Variants in EPHB1 observed in about 807,000 individuals in gnomAD.
EPHB1 encodes ephrin type-B receptor 1.
In EPHB1, 30 loss-of-function variants were observed where a neutral mutation model predicts 94.4. That is an observed-to-expected ratio of 0.32 (90% confidence interval 0.24 to 0.43). The LOEUF is 0.43. EPHB1 is among the 20% of genes least tolerant of loss of function. The pLI is 1.00. For missense variants in EPHB1, 1,055 were observed against 1,308.3 expected, an observed-to-expected ratio of 0.81 and a Z score of 2.99; for synonymous variants, 522 against 489.1, an observed-to-expected ratio of 1.07 and a Z score of -0.89.
In EPHB1 at chr3:134,826,101, A is replaced by T. The variant is rs1212963646; in HGVS notation, c.58+30412A>T. ...CTAAAAATACAAAAAAAAAAAAAAA[A>T]ATCAGCCGAGTGTGGTGAAGCATAC... On this transcript the variant is annotated intron_variant, in intron 1 of 15. Transcript: ENST00000398015. Among the ~76,000 whole-genome samples, 86 of 145,636 alleles carry T rather than the reference A, an allele frequency of 5.9e-4. 1 individual carries two copies. The highest frequency in any genetic ancestry group is 3.0e-5 in the Non-Finnish European group (2 of 66,756).
At chr3:135,236,163 C>T (rs572865178) in intron 12 of EPHB1, among the ~76,000 whole-genome samples, 11 of 152,116 alleles carry the variant, frequency 7.2e-5, no homozygotes, top group East Asian at 3.8e-4. Context: ...TTGGCAGGGT[C>T]GTTCTCCCTT....
At chr3:135,165,698 G>A (rs1941633963) in intron 7 of EPHB1, among the ~76,000 whole-genome samples, 2 of 152,150 alleles carry the variant, frequency 1.3e-5, no homozygotes. Context: ...ATGTAGATTG[G>A]AAATCATCTC....
At chr3:134,813,885 G>A (rs998771051) in intron 1 of EPHB1, among the ~76,000 whole-genome samples, 2 of 152,210 alleles carry the variant, frequency 1.3e-5, no homozygotes, top group Non-Finnish European at 2.9e-5. Context: ...GCTGGGCCCT[G>A]TGTCACTTCC....
At chr3:134,887,094 TG>T (rs2037876958) in intron 1 of EPHB1, among the ~76,000 whole-genome samples, 1 of 152,214 alleles carries the variant, frequency 6.6e-6, no homozygotes. Flanking sequence ...CATTATTCTG[TG>T]GGTTGGCCAG....
intron 5 of EPHB1, among the ~76,000 whole-genome samples, chr3:135,152,296 C>CTT (rs1941218616): frequency 6.6e-6 from 1 of 152,096 alleles, no homozygotes; most frequent in Non-Finnish European, 1.5e-5. Context: ...AGATAACTTT[C>CTT]AAATAAAGAT....
At chr3:135,180,126 T>C in intron 10 of EPHB1, 144 bp downstream of exon 10, 1 of 961,104 alleles carries the variant, frequency 1.0e-6, no homozygotes, top group Non-Finnish European at 1.5e-6. Flanking sequence ...GAGTCTGAAC[T>C]ATCTACATGT....
intron 9 of EPHB1, among the ~76,000 whole-genome samples, chr3:135,172,129 C>T (rs1941821468): frequency 6.6e-6 from 1 of 152,144 alleles, no homozygotes; most frequent in South Asian, 2.1e-4. Context: ...AAGTAGCTGT[C>T]CAGAAGAGAG....
At chr3:134,950,470 A>ATT (rs1932984113) in intron 2 of EPHB1, among the ~76,000 whole-genome samples, 2 of 152,184 alleles carry the variant, frequency 1.3e-5, no homozygotes, top group African/African-American at 4.8e-5. Flanking sequence ...GTAATTTATA[A>ATT]AGAAAAGAGG....
At chr3:135,050,732 G>A (rs1442986495) in intron 3 of EPHB1, among the ~76,000 whole-genome samples, 3 of 152,138 alleles carry the variant, frequency 2.0e-5, no homozygotes, top group African/African-American at 7.2e-5. Flanking sequence ...AGCTCTGGTT[G>A]TTTAAAAGAA....
chr3:135,145,142 C>T (rs1244474361), intron 5 of EPHB1, among the ~76,000 whole-genome samples: 5 of 152,156 alleles, frequency 3.3e-5, no homozygotes, highest in Non-Finnish European at 7.3e-5. Context: ...TTTTCATCTA[C>T]AGTGGGAGAT....
At chr3:134,898,693 T>C (rs1031450401) in intron 1 of EPHB1, among the ~76,000 whole-genome samples, 1 of 152,210 alleles carries the variant, frequency 6.6e-6, no homozygotes, top group South Asian at 2.1e-4. Context: ...AGGAAACAAC[T>C]GCTGCTCAGG....
intron 1 of EPHB1, among the ~76,000 whole-genome samples, chr3:134,809,370 AT>A (rs11440776): frequency 0.26 from 38,886 of 149,718 alleles, 7,332 homozygotes; most frequent in African/African-American, 0.53. Flanking sequence ...AAAAGAACAG[AT>A]TTTTTTTTTT....
chr3:134,955,071 C>CTTTTTTTTTTTTTTTTTTTTTTTTTT (rs1197013147), intron 3 of EPHB1, among the ~76,000 whole-genome samples: 2 of 8,416 alleles, frequency 2.4e-4, no homozygotes, highest in Non-Finnish European at 4.2e-4. Context: ...GACATCCTTT[C>CTTTTTTTTTTTTTTTTTTTTTTTTTT]TTTTTTTTTT....
intron 12 of EPHB1, among the ~76,000 whole-genome samples, chr3:135,204,447 C>G (rs1412162131): frequency 6.6e-6 from 1 of 150,780 alleles, no homozygotes; most frequent in Non-Finnish European, 1.5e-5. Context: ...CTCAGTTGAT[C>G]TGGCCACCTT....
At chr3:135,237,905 C>T (rs552143136) in intron 12 of EPHB1, among the ~76,000 whole-genome samples, 8 of 152,296 alleles carry the variant, frequency 5.3e-5, no homozygotes, top group Non-Finnish European at 8.8e-5. Context: ...GCAGCAGGAC[C>T]GCCTGGCTGG....
At chr3:135,201,789 A>G (rs527870963) in intron 12 of EPHB1, 100 bp downstream of exon 12, 2 of 1,158,316 alleles carry the variant, frequency 1.7e-6, no homozygotes, top group East Asian at 2.5e-5. Context: ...AGGGAATGGA[A>G]CCTGAACTGA....
intron 1 of EPHB1, among the ~76,000 whole-genome samples, chr3:134,873,692 G>A (rs1396460682): frequency 6.6e-6 from 1 of 152,220 alleles, no homozygotes; most frequent in Non-Finnish European, 1.5e-5. Flanking sequence ...CCATGGGCCA[G>A]AGGGCCCTGG....
intron 1 of EPHB1, among the ~76,000 whole-genome samples, chr3:134,831,199 A>G (rs573315054): frequency 1.3e-5 from 2 of 152,314 alleles, no homozygotes; most frequent in South Asian, 4.2e-4. Flanking sequence ...TGCTTCCCAG[A>G]TTTCTGAAAA....
intron 2 of EPHB1, among the ~76,000 whole-genome samples, chr3:134,935,668 G>A (rs2038987656): frequency 6.6e-6 from 1 of 152,114 alleles, no homozygotes; most frequent in Non-Finnish European, 1.5e-5. Flanking sequence ...AGTACTAGTG[G>A]TAACAACGAC....
Sources: allele counts gnomAD v4.1 joint callset (sites outside exome capture counted in the v4.1 genomes callset), GRCh38; gene constraint gnomAD v4.1.1; transcripts MANE v1.5; gene names NCBI Gene and HGNC (gene_info 2026-07-23, HGNC 2026-07-21).